The following DNAAF11 variants were observed in gnomAD, a reference collection of about 807,000 sequenced individuals.
The protein encoded by DNAAF11 is dynein axonemal assembly factor 11.
DNAAF11 carries 45 observed loss-of-function variants against 60.8 expected under a neutral mutation model. That is an observed-to-expected ratio of 0.74 (90% CI 0.58 to 0.95). The LOEUF (loss-of-function observed/expected upper bound fraction) is 0.95, where lower values mean the gene tolerates loss of function less well. DNAAF11 is among the 40% of genes least tolerant of loss of function. DNAAF11 has a pLI of 0.00. For synonymous variants in DNAAF11, 191 were observed against 183.5 expected (o/e 1.04, Z -0.33); for missense variants, 546 against 546.2 (o/e 1.00, Z 0.00).
At chr8:132,660,462 C>T (rs940221208) in intron 2 of DNAAF11, among the ~76,000 whole-genome samples, 9 of 152,150 alleles carry the variant, frequency 5.9e-5, no homozygotes, top group Admixed American at 2.0e-4. Flanking sequence ...TAGAGGGAGG[C>T]GGGAGAGGCA....
At chr8:132,635,729 C>T (rs1821229060) in intron 4 of DNAAF11, among the ~76,000 whole-genome samples, 1 of 152,046 alleles carries the variant, frequency 6.6e-6, no homozygotes, top group African/African-American at 2.4e-5. Flanking sequence ...GAAGTCCTAA[C>T]CCCCAGTAGC....
chr8:132,628,547 A>G (rs1024695231), intron 5 of DNAAF11, among the ~76,000 whole-genome samples: 4 of 152,300 alleles, frequency 2.6e-5, no homozygotes, highest in Admixed American at 2.6e-4. Flanking sequence ...GGCTGGAGGC[A>G]GGCTCTACCT....
chr8:132,694,893 T>C, the DNAAF11 span, among the ~76,000 whole-genome samples: 5 of 152,206 alleles, frequency 3.3e-5, no homozygotes, highest in Non-Finnish European at 7.3e-5. Context: ...AGAAGAGGTC[T>C]GGCATACTCC....
At chr8:132,620,460 G>A (rs1452782090) in intron 7 of DNAAF11, among the ~76,000 whole-genome samples, 4 of 152,022 alleles carry the variant, frequency 2.6e-5, no homozygotes, top group East Asian at 1.9e-4. Context: ...CCAGCCTTCC[G>A]AGTGGCTGGG....
intron 10 of DNAAF11, among the ~76,000 whole-genome samples, chr8:132,594,759 G>A (rs2131104550): frequency 6.6e-6 from 1 of 152,274 alleles, no homozygotes; most frequent in African/African-American, 2.4e-5. Flanking sequence ...TCCACCATGA[G>A]TGTAAGTTTC....
At chr8:132,689,861 C>T in the DNAAF11 span, among the ~76,000 whole-genome samples, 9 of 152,120 alleles carry the variant, frequency 5.9e-5, no homozygotes, top group African/African-American at 1.7e-4. Flanking sequence ...TATAGGCTCG[C>T]ACCATTGCAT....
chr8:132,690,440 C>T, the DNAAF11 span, among the ~76,000 whole-genome samples: 88,417 of 152,074 alleles, frequency 0.58, 28,067 homozygotes, highest in African/African-American at 0.86. Flanking sequence ...TGAGGTCTCC[C>T]TACCCTTGCC....
intron 5 of DNAAF11, among the ~76,000 whole-genome samples, chr8:132,628,972 C>T (rs1055044626): frequency 1.3e-5 from 2 of 152,162 alleles, no homozygotes; most frequent in African/African-American, 4.8e-5. Context: ...ATAGCATAAA[C>T]TCACTTATGA....
At chr8:132,674,930 T>C (rs560281732) in intron 1 of DNAAF11, among the ~76,000 whole-genome samples, 1 of 152,328 alleles carries the variant, frequency 6.6e-6, no homozygotes, top group Non-Finnish European at 1.5e-5. Flanking sequence ...TTACTGTGTC[T>C]AAAACAGTAG....
chr8:132,615,508 G>A (rs1350646722), intron 7 of DNAAF11, among the ~76,000 whole-genome samples: 1 of 152,058 alleles, frequency 6.6e-6, no homozygotes, highest in Non-Finnish European at 1.5e-5. Flanking sequence ...TTAAGTTTTA[G>A]AGTCCTGTCT....
At chr8:132,611,235 C>T in intron 9 of DNAAF11, 59 bp downstream of exon 9, 1 of 1,220,536 alleles carries the variant, frequency 8.2e-7, no homozygotes, top group Non-Finnish European at 1.2e-6. Flanking sequence ...TTTGAGGCAC[C>T]ACAGCTTAGT....
At chr8:132,666,326 T>C (rs1824622698) in intron 1 of DNAAF11, among the ~76,000 whole-genome samples, 1 of 152,216 alleles carries the variant, frequency 6.6e-6, no homozygotes, top group Non-Finnish European at 1.5e-5. Context: ...ATAAATGTTT[T>C]AGATAATGGA....
At chr8:132,676,531 T>C (rs768003349), upstream of DNAAF11, among the ~76,000 whole-genome samples, 6 of 152,338 alleles carry the variant, frequency 3.9e-5, no homozygotes, top group South Asian at 2.1e-4. Context: ...ATGTGTGTAT[T>C]ATGTTTGCAT....
chr8:132,657,758 G>A (rs879827089), intron 2 of DNAAF11, among the ~76,000 whole-genome samples: 1 of 152,132 alleles, frequency 6.6e-6, no homozygotes, highest in Admixed American at 6.6e-5. Context: ...AATGTTCTCA[G>A]CATTTAGTAT....
intron 8 of DNAAF11, 34 bp downstream of exon 8, chr8:132,615,004 A>G (rs758084942): frequency 2.9e-6 from 4 of 1,397,362 alleles, no homozygotes; most frequent in Non-Finnish European, 3.0e-6. Context: ...ACAGACAGAA[A>G]TGTCATAAAT....
At chr8:132,583,602 A>C in intron 11 of DNAAF11, 92 bp downstream of exon 11, 1 of 948,334 alleles carries the variant, frequency 1.1e-6, no homozygotes, top group South Asian at 1.4e-5. Flanking sequence ...AACTTTAAAT[A>C]ATTGTACAAT....
At chr8:132,677,851 A>T (rs879247059), upstream of DNAAF11, among the ~76,000 whole-genome samples, 1 of 152,208 alleles carries the variant, frequency 6.6e-6, no homozygotes, top group Non-Finnish European at 1.5e-5. Context: ...CTGTCCTCAC[A>T]TGACAGAAGG....
In DNAAF11 at chr8:132,587,976, G is replaced by A. The variant is rs182316027; in HGVS notation, c.1141-4197C>T. On this transcript the variant is annotated intron_variant, in intron 10 of 11. Transcript: ENST00000620350. ...TTCATTACATTCCGAGGCAGCACCT[G>A]CATTGAGACGATCTATATCAACTAT... 2.6e-4 allele frequency among the ~76,000 whole-genome samples: 39 copies of A among 152,238 alleles called. 1 individual carries two copies. Among genetic ancestry groups the A allele is most frequent in the African/African-American group, 9.4e-4 (39 of 41,542 alleles).
intron 2 of DNAAF11, among the ~76,000 whole-genome samples, chr8:132,660,703 A>G (rs1205651796): frequency 6.6e-6 from 1 of 152,210 alleles, no homozygotes; most frequent in Admixed American, 6.5e-5. Flanking sequence ...GAGCATGCCC[A>G]GTCCTACCCT....
Sources: allele counts gnomAD v4.1 joint callset (sites outside exome capture counted in the v4.1 genomes callset), GRCh38; gene constraint gnomAD v4.1.1; transcripts MANE v1.5; gene names NCBI Gene and HGNC (gene_info 2026-07-23, HGNC 2026-07-21).